The following MBP variants were observed in gnomAD, a reference collection of about 807,000 sequenced individuals.
MBP encodes the protein myelin basic protein.
Under a neutral mutation model 35.8 loss-of-function variants are expected in MBP, and 16 were observed. That is an observed-to-expected ratio of 0.45 (90% CI 0.30 to 0.68). MBP has a LOEUF of 0.68. Ranked by LOEUF, MBP falls within the 30% of genes least tolerant of loss-of-function variation. The pLI is 0.08. For synonymous variants in MBP, 143 were observed against 159.6 expected (o/e 0.90, Z 0.78); for missense variants, 380 against 404.7 (o/e 0.94, Z 0.52).
chr18:77,022,927 C>T (rs1256070003), intron 3 of MBP, among the ~76,000 whole-genome samples: 1 of 152,184 alleles, frequency 6.6e-6, no homozygotes, highest in African/African-American at 2.4e-5. Context: ...CCAATGCAGA[C>T]TTTTACATTT....
intron 3 of MBP, among the ~76,000 whole-genome samples, chr18:77,065,488 C>T (rs762494216): frequency 1.5e-4 from 23 of 152,174 alleles, no homozygotes; most frequent in Non-Finnish European, 2.8e-4. Flanking sequence ...GTAGGGGACA[C>T]ATTCAATCCA....
chr18:77,087,829 C>T (rs930093678), intron 2 of MBP, among the ~76,000 whole-genome samples: 3 of 152,086 alleles, frequency 2.0e-5, no homozygotes, highest in African/African-American at 7.2e-5. Context: ...GAGCACCCCA[C>T]GCACGTGGGC....
intron 3 of MBP, among the ~76,000 whole-genome samples, chr18:77,019,999 T>C (rs547243371): frequency 1.3e-5 from 2 of 152,156 alleles, no homozygotes; most frequent in Admixed American, 1.3e-4. Context: ...TATCACAGCC[T>C]TGATGGCTGT....
Position 77,101,540 on chromosome 18 carries a change from C to A in MBP, c.51+3671G>T, listed in dbSNP as rs1976009212. 2.6e-5 allele frequency among the ~76,000 whole-genome samples: 4 copies of A among 152,058 alleles called. No individual in the cohort carries two copies. In the South Asian group the frequency reaches 8.3e-4, roughly 32 times the overall value. On this transcript the variant is annotated intron_variant, in intron 2 of 8. Coordinates refer to ENST00000355994, the MANE Select transcript of MBP (RefSeq NM_001025101.2). The surrounding 1 kb of genome is among the most constrained non-coding windows in gnomAD (Gnocchi z 4.3). ...CCTCTGATGGGCGGAGTGCTTCTGCCTGAATCTGATGTCTCCTGTTCTGAC... is the reference window on the plus strand; with the variant it reads ...CCTCTGATGGGCGGAGTGCTTCTGCATGAATCTGATGTCTCCTGTTCTGAC...
At position 76,989,266 on chromosome 18, in the gene MBP, T is replaced by G. The variant is rs184391790; in HGVS notation, c.682-354A>C. Reference sequence around the variant, plus strand: ...CTAGGAGTAGCGGGCCCTCTGACATTCAGAGCTTCCAAGGGGATGTCCCCA... The same window carrying G: ...CTAGGAGTAGCGGGCCCTCTGACATGCAGAGCTTCCAAGGGGATGTCCCCA... On this transcript the variant is annotated intron_variant, in intron 5 of 8. Transcript: ENST00000355994. The surrounding 1 kb of genome is among the most constrained non-coding windows in gnomAD (Gnocchi z 4.0). 6.6e-6 allele frequency among the ~76,000 whole-genome samples: 1 copy of G among 152,146 alleles called. No homozygotes were observed. The highest frequency in any genetic ancestry group is 2.4e-5 in the African/African-American group (1 of 41,430).
Position 76,988,173 on chromosome 18 carries a change from A to G in MBP, c.750+322T>C, listed in dbSNP as rs1418424315. ...CTGGTTGTGTTGGAGGAAGTTAAAC[A>G]TTTTCTCGGACGTGGTGTTGCTCCC... is the stretch of plus-strand genomic sequence containing the variant. On this transcript the variant is annotated intron_variant, in intron 7 of 8. Coordinates refer to ENST00000355994, the MANE Select transcript of MBP (RefSeq NM_001025101.2). This position sits in a 1 kb window ranked among gnomAD's most constrained non-coding sequence, Gnocchi z 5.2. 2.1e-5 allele frequency: 33 copies of G among 1,540,830 alleles called. No individual in the cohort carries two copies. In the East Asian group the frequency reaches 8.1e-4, roughly 38 times the overall value.
At chr18:77,065,526 C>T (rs1974160220) in intron 3 of MBP, among the ~76,000 whole-genome samples, 1 of 152,208 alleles carries the variant, frequency 6.6e-6, no homozygotes, top group African/African-American at 2.4e-5. Context: ...AATTTATATT[C>T]AATAAGGCAA....
intron 3 of MBP, among the ~76,000 whole-genome samples, chr18:77,046,798 G>T (rs1973276882): frequency 6.6e-6 from 1 of 152,256 alleles, no homozygotes; most frequent in African/African-American, 2.4e-5. Context: ...CTGGAAGACG[G>T]GAGGGAAAGC....
At chr18:77,090,691 G>A (rs972220780) in intron 2 of MBP, among the ~76,000 whole-genome samples, 1 of 152,154 alleles carries the variant, frequency 6.6e-6, no homozygotes, top group African/African-American at 2.4e-5. Flanking sequence ...CGGCTCTCGG[G>A]CTTTCCTTAT....
intron 1 of MBP, among the ~76,000 whole-genome samples, chr18:77,117,444 G>A (rs77522316): frequency 0.013 from 1,985 of 152,210 alleles, 48 homozygotes; most frequent in African/African-American, 0.045. Context: ...TTATCACTAG[G>A]TAGAGGCCTT....
chr18:77,079,904 C>T (rs1306618500), intron 2 of MBP, among the ~76,000 whole-genome samples: 3 of 152,156 alleles, frequency 2.0e-5, no homozygotes, highest in Admixed American at 6.6e-5. Flanking sequence ...TTACAGCAAC[C>T]GGTACTGCAA....
intron 8 of MBP, chr18:76,983,359 C>T (rs1289709755): frequency 6.6e-6 from 1 of 152,326 alleles, no homozygotes; most frequent in Non-Finnish European, 1.5e-5. Flanking sequence ...AGATAGGGGT[C>T]TGGGCGTGCA....
intron 3 of MBP, among the ~76,000 whole-genome samples, chr18:77,028,133 T>C (rs1271498520): frequency 6.0e-5 from 9 of 148,764 alleles, no homozygotes; most frequent in Admixed American, 4.7e-4. Flanking sequence ...CAGAGGACCC[T>C]GCGGCCTTCC....
intron 1 of MBP, chr18:77,112,453 A>G (rs979641345): frequency 1.3e-5 from 2 of 152,256 alleles, no homozygotes; most frequent in African/African-American, 4.8e-5. Context: ...GCCCTCGTGC[A>G]TAACGGGGAG....
intron 3 of MBP, among the ~76,000 whole-genome samples, chr18:77,029,824 C>T (rs1568302524): frequency 6.6e-6 from 1 of 152,022 alleles, no homozygotes. Flanking sequence ...TCACCACTGA[C>T]CTGATTTGAC....
At position 76,988,214 on chromosome 18, in the gene MBP, C is replaced by A; in HGVS notation, c.750+281G>T. The A allele has an allele frequency of 6.5e-7, 1 of 1,548,576 alleles. No homozygotes were observed. The highest frequency in any genetic ancestry group is 8.7e-7 in the Non-Finnish European group (1 of 1,146,944). ...TGTTGCTCCCTCCCTGGGAGGGAGA[C>A]CAGTCACGTCGCCTGGGAACCCTCT... On this transcript the variant is annotated intron_variant, in intron 7 of 8. Coordinates refer to ENST00000355994, the MANE Select transcript of MBP (RefSeq NM_001025101.2). The surrounding 1 kb of genome is among the most constrained non-coding windows in gnomAD (Gnocchi z 5.2).
chr18:77,041,261 T>G (rs1424971289), intron 3 of MBP, among the ~76,000 whole-genome samples: 1 of 152,126 alleles, frequency 6.6e-6, no homozygotes, highest in African/African-American at 2.4e-5. Context: ...TGGTGATCAT[T>G]AAAAACTCAG....
At chr18:77,117,246 A>C (rs1202496927) in intron 1 of MBP, among the ~76,000 whole-genome samples, 2 of 152,234 alleles carry the variant, frequency 1.3e-5, no homozygotes, top group Admixed American at 1.3e-4. Context: ...CTGTTATTAA[A>C]AATGGCATTT....
chr18:77,037,085 A>AC (rs1473072415), intron 3 of MBP, among the ~76,000 whole-genome samples: 1 of 148,170 alleles, frequency 6.7e-6, no homozygotes, highest in African/African-American at 2.5e-5. Context: ...AGTGCTGGTC[A>AC]CATTTTGGAG....
Sources: allele counts gnomAD v4.1 joint callset (sites outside exome capture counted in the v4.1 genomes callset), GRCh38; gene constraint gnomAD v4.1.1; non-coding constraint Gnocchi (gnomAD v3.1); transcripts MANE v1.5; gene names NCBI Gene and HGNC (gene_info 2026-07-23, HGNC 2026-07-21).